COL21A1: variants seen among roughly 807,000 people sequenced by gnomAD.
The protein encoded by COL21A1 is collagen type XXI alpha 1 chain, also known as collagen alpha-1(XXI) chain.
COL21A1 carries 149 observed loss-of-function variants against 137.9 expected under a neutral mutation model. The observed-to-expected ratio is 1.08, with a 90% CI of 0.95 to 1.24. The LOEUF is 1.24. Among genes scored for constraint, COL21A1 ranks in the 50% most tolerant of loss-of-function variants. COL21A1 has a pLI of 0.00. For synonymous variants in COL21A1, 456 were observed against 391.5 expected (o/e 1.16, Z -1.95); for missense variants, 1,167 against 1,158.4 (o/e 1.01, Z -0.11).
intron 17 of COL21A1, among the ~76,000 whole-genome samples, chr6:56,098,904 A>T (rs1428853793): frequency 6.7e-6 from 1 of 149,236 alleles, no homozygotes; most frequent in African/African-American, 2.5e-5. Context: ...TTTAGTAGAG[A>T]CGGGGTTTCA....
intron 16 of COL21A1, among the ~76,000 whole-genome samples, chr6:56,109,975 T>C (rs1771275694): frequency 6.6e-6 from 1 of 151,952 alleles, no homozygotes; most frequent in Non-Finnish European, 1.5e-5. Context: ...CAAATGCTTT[T>C]AGAAAAGAAA....
intron 3 of COL21A1, among the ~76,000 whole-genome samples, chr6:56,172,346 A>G (rs946233807): frequency 6.6e-6 from 1 of 152,182 alleles, no homozygotes; most frequent in Non-Finnish European, 1.5e-5. Context: ...CAATAGCACC[A>G]TTGCAGGCCA....
chr6:56,288,537 C>T (rs1662648088), intron 1 of COL21A1, among the ~76,000 whole-genome samples: 1 of 152,148 alleles, frequency 6.6e-6, no homozygotes. Context: ...GTCACACTCC[C>T]TGTTTTCACA....
Position 56,093,937 on chromosome 6 carries a change from A to T in COL21A1, c.1812+7535T>A, listed in dbSNP as rs138526763. Among the ~76,000 whole-genome samples, 78 of 152,234 alleles carry T rather than the reference A, an allele frequency of 5.1e-4. No homozygotes were observed. The East Asian group carries it at 9.3e-3, about 18-fold the overall frequency. On this transcript the variant is annotated intron_variant, in intron 17 of 29. Coordinates refer to ENST00000244728, the MANE Select transcript of COL21A1 (RefSeq NM_030820.4). ...GGTTGAATGGATTCATGAGTCCTGT[A>T]CCTAATCTCTTTTGCACTAGCAAAC...
chr6:56,210,411 CAAGGT>C (rs1780085455), intron 1 of COL21A1, among the ~76,000 whole-genome samples: 1 of 152,016 alleles, frequency 6.6e-6, no homozygotes, highest in African/African-American at 2.4e-5. Context: ...GATGATATTT[CAAGGT>C]AATAAAACAT....
At chr6:56,259,995 T>A (rs1222794827) in intron 1 of COL21A1, among the ~76,000 whole-genome samples, 10 of 152,218 alleles carry the variant, frequency 6.6e-5, no homozygotes, top group Non-Finnish European at 1.5e-4. Flanking sequence ...AAGCATGGCA[T>A]ACTTTCTCAC....
At chr6:56,158,288 T>TC (rs1775939284) in intron 9 of COL21A1, among the ~76,000 whole-genome samples, 2 of 145,722 alleles carry the variant, frequency 1.4e-5, no homozygotes, top group East Asian at 2.0e-4. Flanking sequence ...TTTTTTTTTT[T>TC]CTGAGATGGG....
intron 19 of COL21A1, among the ~76,000 whole-genome samples, chr6:56,074,931 T>A (rs2114116857): frequency 6.6e-6 from 1 of 151,414 alleles, no homozygotes. Flanking sequence ...AACAGACAAT[T>A]TGATTCATAT....
chr6:56,117,347 G>T (rs751738934), intron 16 of COL21A1, among the ~76,000 whole-genome samples: 12 of 151,768 alleles, frequency 7.9e-5, no homozygotes, highest in Non-Finnish European at 1.6e-4. Context: ...TAAGAGAAAA[G>T]GGTCTCTATA....
intron 1 of COL21A1, among the ~76,000 whole-genome samples, chr6:56,319,051 C>A (rs1326694495): frequency 1.3e-5 from 2 of 152,032 alleles, no homozygotes. Context: ...CAGTCTTCAC[C>A]TCCCTTGACT....
chr6:56,117,503 C>T (rs12200525), intron 16 of COL21A1, among the ~76,000 whole-genome samples: 22,831 of 151,920 alleles, frequency 0.15, 1,750 homozygotes, highest in Middle Eastern at 0.22. Context: ...CTTCATCATT[C>T]CATTTTCAGC....
chr6:56,161,967 A>G (rs1040608881), intron 9 of COL21A1, among the ~76,000 whole-genome samples: 6 of 152,188 alleles, frequency 3.9e-5, no homozygotes, highest in African/African-American at 1.4e-4. Context: ...GAAAAGCTAG[A>G]TCTGTTCTTT....
chr6:56,314,633 T>C (rs1434510329), intron 1 of COL21A1, among the ~76,000 whole-genome samples: 5 of 152,152 alleles, frequency 3.3e-5, no homozygotes, highest in African/African-American at 1.2e-4. Flanking sequence ...TTCCTAACAT[T>C]ATATAATTTT....
upstream of COL21A1, among the ~76,000 whole-genome samples, chr6:56,250,111 C>A (rs948904369): frequency 6.6e-6 from 1 of 152,204 alleles, no homozygotes; most frequent in African/African-American, 2.4e-5. Flanking sequence ...ATTTCATCAT[C>A]CCCATTTCCA....
chr6:56,325,999 TAC>T (rs1765079032), intron 1 of COL21A1, among the ~76,000 whole-genome samples: 5 of 2,004 alleles, frequency 2.5e-3, no homozygotes, highest in Admixed American at 4.9e-3. Context: ...TGTATATACA[TAC>T]ATATATTATG....
intron 10 of COL21A1, among the ~76,000 whole-genome samples, chr6:56,155,476 AT>A (rs757712216): frequency 2.6e-5 from 4 of 152,222 alleles, no homozygotes; most frequent in Non-Finnish European, 4.4e-5. Flanking sequence ...TCCTCGAACA[AT>A]TTTGATTCAC....
At chr6:56,102,952 A>G (rs1190844658) in intron 16 of COL21A1, among the ~76,000 whole-genome samples, 1 of 152,184 alleles carries the variant, frequency 6.6e-6, no homozygotes, top group East Asian at 1.9e-4. Context: ...TATTGGAGGA[A>G]AAAATGTTGG....
intron 1 of COL21A1, among the ~76,000 whole-genome samples, chr6:56,233,830 C>A (rs1781736501): frequency 6.6e-6 from 1 of 150,592 alleles, no homozygotes; most frequent in African/African-American, 2.4e-5. Context: ...GGGGGAGAGG[C>A]AGGATGCCTA....
intron 9 of COL21A1, among the ~76,000 whole-genome samples, chr6:56,158,405 T>A (rs1164367576): frequency 6.6e-6 from 1 of 151,102 alleles, no homozygotes; most frequent in Non-Finnish European, 1.5e-5. Context: ...CCCAAGTAGC[T>A]GGGGTTACAG....
Sources: allele counts gnomAD v4.1 joint callset (sites outside exome capture counted in the v4.1 genomes callset), GRCh38; gene constraint gnomAD v4.1.1; transcripts MANE v1.5; gene names NCBI Gene and HGNC (gene_info 2026-07-23, HGNC 2026-07-21).